ROPN1: variants seen among roughly 807,000 people sequenced by gnomAD.
ROPN1 encodes the protein rhophilin associated tail protein 1, also known as ropporin-1A.
ROPN1 carries 14 observed loss-of-function variants against 20.5 expected under a neutral mutation model. The observed-to-expected ratio is 0.68, with a 90% confidence interval of 0.45 to 1.07. The LOEUF is 1.07. Ranked by LOEUF, ROPN1 falls within the 50% of genes least tolerant of loss-of-function variation. The probability of loss-of-function intolerance (pLI) is 0.00; values close to 1 mark genes in which losing one functional copy is unlikely to be tolerated. For synonymous variants in ROPN1, 76 were observed against 95.7 expected, an observed-to-expected ratio of 0.79 and a Z score of 1.20; for missense variants, 169 against 242.8, an observed-to-expected ratio of 0.70 and a Z score of 2.02.
At chr3:123,985,118 C>T (rs531892888) in intron 1 of ROPN1, among the ~76,000 whole-genome samples, 1 of 152,192 alleles carries the variant, frequency 6.6e-6, no homozygotes, top group African/African-American at 2.4e-5. Context: ...AAATGTACAA[C>T]CACTTACAAA....
At chr3:123,982,427 C>A (rs1241631196) in intron 1 of ROPN1, among the ~76,000 whole-genome samples, 1 of 151,830 alleles carries the variant, frequency 6.6e-6, no homozygotes, top group Non-Finnish European at 1.5e-5. Flanking sequence ...TGGTGGTTAC[C>A]CCTGGTGGAG....
chr3:123,990,729 C>T (rs2038388320), intron 1 of ROPN1, among the ~76,000 whole-genome samples: 1 of 152,102 alleles, frequency 6.6e-6, no homozygotes, highest in Admixed American at 6.5e-5. Context: ...TATCCATAAC[C>T]CCAACTCTTT....
At chr3:123,981,971 G>A (rs940443965) in intron 1 of ROPN1, among the ~76,000 whole-genome samples, 2 of 152,108 alleles carry the variant, frequency 1.3e-5, no homozygotes, top group East Asian at 3.9e-4. Flanking sequence ...AACAGGAAAA[G>A]TAGACAAATA....
At chr3:123,979,594 G>A (rs959211584) in intron 2 of ROPN1, 2 of 364,750 alleles carry the variant, frequency 5.5e-6, no homozygotes, top group East Asian at 1.5e-4. Context: ...GGCCCGCAGC[G>A]ATTGTTGTGT....
At chr3:123,977,084 A>G (rs2038042296) in intron 2 of ROPN1, 103 bp from the exon 3 acceptor site, 3 of 1,269,276 alleles carry the variant, frequency 2.4e-6, no homozygotes, top group Non-Finnish European at 3.3e-6. Context: ...AGGTAGAGAA[A>G]GGAACCTTTG....
At chr3:123,972,786 G>A (rs1330410187) in intron 4 of ROPN1, among the ~76,000 whole-genome samples, 1 of 152,160 alleles carries the variant, frequency 6.6e-6, no homozygotes, top group African/African-American at 2.4e-5. Context: ...GAAATTCTGG[G>A]CTTGCCTCTA....
At chr3:123,971,729 A>T (rs200693203) in intron 4 of ROPN1, among the ~76,000 whole-genome samples, 2 of 152,036 alleles carry the variant, frequency 1.3e-5, no homozygotes, top group East Asian at 3.8e-4. Flanking sequence ...CCCACAGCTC[A>T]CCCTGTTTCT....
chr3:123,985,334 A>G (rs1317770121), intron 1 of ROPN1, among the ~76,000 whole-genome samples: 3 of 152,216 alleles, frequency 2.0e-5, no homozygotes, highest in Admixed American at 6.5e-5. Flanking sequence ...ATTTATTATC[A>G]GTGACAATGA....
rs187701653 is a variant in ROPN1, at chr3:123,976,044, G to A, written c.235-504C>T. On this transcript the variant is annotated intron_variant, in intron 3 of 5. Transcript: ENST00000405845. ...ATGATATGGGGTATGTGGCTGACCT[G>A]TGGGGATTTGGTCTGGATGCCTAAT... is the stretch of plus-strand genomic sequence containing the variant. Among the ~76,000 whole-genome samples the A allele has an allele frequency of 1.3e-3, 198 of 152,310 alleles. 1 individual carries two copies. In the East Asian group the frequency reaches 0.019, roughly 15 times the overall value.
chr3:123,981,353 G>A (rs1486244538), intron 1 of ROPN1: 1 of 153,178 alleles, frequency 6.5e-6, no homozygotes, highest in East Asian at 1.9e-4. Flanking sequence ...CCGCAGTGCT[G>A]GGCAAATGAA....
At chr3:123,980,020 C>T in intron 2 of ROPN1, 1 of 501,342 alleles carries the variant, frequency 2.0e-6, no homozygotes, top group Non-Finnish European at 3.5e-6. Flanking sequence ...GATTCCCAGC[C>T]CTTCTTTCCA....
At position 123,971,533 on chromosome 3, in the gene ROPN1, T is replaced by C. The variant is rs78421992; in HGVS notation, c.397-1316A>G. Among the ~76,000 whole-genome samples, 1,000 of 152,256 alleles carry C rather than the reference T, an allele frequency of 6.6e-3. 13 individuals are homozygous for C. Among genetic ancestry groups the C allele is most frequent in the East Asian group, 0.044 (230 of 5,174 alleles). On this transcript the variant is annotated intron_variant, in intron 4 of 5. Transcript: ENST00000405845. Reference sequence around the variant, plus strand: ...CCCCTGGGGGTCCTCTCATGGAAATTGTTGTGAAACACTGCATCTTCTACT... The same window carrying C: ...CCCCTGGGGGTCCTCTCATGGAAATCGTTGTGAAACACTGCATCTTCTACT...
intron 1 of ROPN1, chr3:123,991,267 T>TCCCAGTGCCTAG (rs1486947920): frequency 7.8e-6 from 1 of 127,816 alleles, no homozygotes; most frequent in African/African-American, 3.1e-5. Context: ...CACCACACCA[T>TCCCAGTGCCTAG]CCCAGTGCCT....
intron 1 of ROPN1, among the ~76,000 whole-genome samples, chr3:123,988,730 T>A (rs944830585): frequency 6.6e-6 from 1 of 152,068 alleles, no homozygotes; most frequent in Non-Finnish European, 1.5e-5. Flanking sequence ...AGGAAATCAT[T>A]AATCTGACAA....
intron 1 of ROPN1, among the ~76,000 whole-genome samples, chr3:123,983,158 A>C (rs914660945): frequency 6.6e-6 from 1 of 152,324 alleles, no homozygotes. Context: ...AATTTTATCC[A>C]TTCATAGGTC....
chr3:123,969,424 G>A (rs2037869489), intron 5 of ROPN1, among the ~76,000 whole-genome samples: 1 of 152,056 alleles, frequency 6.6e-6, no homozygotes, highest in Admixed American at 6.5e-5. Context: ...TGCAACCTCT[G>A]CCTCCTGGGC....
chr3:123,980,222 A>G lies in ROPN1; in HGVS notation c.116+144T>C, dbSNP rs556317509. The G allele has an allele frequency of 5.7e-5, 42 of 734,580 alleles. No homozygotes were observed. The South Asian group carries it at 6.3e-4, about 11-fold the overall frequency. The allele number at this position is 734,580 out of a possible 1,614,324, so 45.5% of individuals were successfully genotyped here. Reference sequence around the variant, plus strand: ...AGCATTTATGTGTGGATTTTAAAGCATCAAAGCAATGCAAGAGCTAAAACA... The same window carrying G: ...AGCATTTATGTGTGGATTTTAAAGCGTCAAAGCAATGCAAGAGCTAAAACA... On this transcript the variant is annotated intron_variant, in intron 2 of 5. Transcript: ENST00000405845.
At chr3:123,985,397 TTC>T (rs1434883401) in intron 1 of ROPN1, among the ~76,000 whole-genome samples, 2 of 152,254 alleles carry the variant, frequency 1.3e-5, no homozygotes, top group Non-Finnish European at 2.9e-5. Flanking sequence ...TGATTTAATT[TTC>T]TCTTATTTTT....
intron 1 of ROPN1, among the ~76,000 whole-genome samples, chr3:123,988,458 G>T (rs1314224836): frequency 6.6e-6 from 1 of 152,150 alleles, no homozygotes; most frequent in African/African-American, 2.4e-5. Flanking sequence ...ACAAGCAAGG[G>T]CTCTGAGGGG....
Sources: gnomAD v4.1 joint callset for allele counts (sites outside exome capture counted in the v4.1 genomes callset) on GRCh38, gnomAD v4.1.1 for gene constraint, MANE v1.5 for transcripts, NCBI Gene and HGNC (gene_info 2026-07-23, HGNC 2026-07-21) for gene names.